The following TNFSF4 variants were observed in gnomAD, a reference collection of about 807,000 sequenced individuals.
TNFSF4 encodes TNF superfamily member 4.
Under a neutral mutation model 7.3 loss-of-function variants are expected in TNFSF4, and 4 were observed. The ratio of observed to expected loss-of-function variants is 0.55; its 90% CI spans 0.27 to 1.25. The LOEUF (loss-of-function observed/expected upper bound fraction) is 1.25, where lower values mean the gene tolerates loss of function less well. TNFSF4 is among the 50% of genes most tolerant of loss of function. The probability of loss-of-function intolerance (pLI) is 0.12; values close to 1 mark genes in which losing one functional copy is unlikely to be tolerated. For missense variants in TNFSF4, 181 were observed against 208.8 expected, an observed-to-expected ratio of 0.87 and a Z score of 0.82; for synonymous variants, 76 against 83.7, an observed-to-expected ratio of 0.91 and a Z score of 0.50.
At chr1:173,205,173 T>C in intron 1 of TNFSF4, 2 of 1,003,096 alleles carry the variant, frequency 2.0e-6, no homozygotes, top group Non-Finnish European at 1.4e-6. Context: ...TCAAATATCC[T>C]GAGCAAAAAA....
At chr1:173,318,959 T>C in the TNFSF4 span, among the ~76,000 whole-genome samples, 1 of 152,156 alleles carries the variant, frequency 6.6e-6, no homozygotes, top group African/African-American at 2.4e-5. Flanking sequence ...AGTTATTTTG[T>C]GCCCCAGTGA....
the TNFSF4 span, among the ~76,000 whole-genome samples, chr1:173,331,498 T>A: frequency 6.6e-6 from 1 of 152,218 alleles, no homozygotes; most frequent in East Asian, 1.9e-4. Context: ...CTAAACTACT[T>A]TCCTTTCAAA....
chr1:173,182,575 T>A (rs563285240), downstream of TNFSF4, among the ~76,000 whole-genome samples: 60 of 152,292 alleles, frequency 3.9e-4, no homozygotes, highest in South Asian at 1.2e-3. Context: ...CTCAAAGAAT[T>A]GTTGAGACAA....
the TNFSF4 span, among the ~76,000 whole-genome samples, chr1:173,419,636 G>A: frequency 6.6e-6 from 1 of 152,106 alleles, no homozygotes; most frequent in Non-Finnish European, 1.5e-5. Flanking sequence ...GGTGGAAGCT[G>A]GGGGAGAGGC....
At chr1:173,288,753 A>G in the TNFSF4 span, among the ~76,000 whole-genome samples, 1 of 152,116 alleles carries the variant, frequency 6.6e-6, no homozygotes, top group Non-Finnish European at 1.5e-5. Flanking sequence ...TCATGGGTTA[A>G]AATAAAATCA....
chr1:173,248,046 T>C, the TNFSF4 span, among the ~76,000 whole-genome samples: 1 of 152,072 alleles, frequency 6.6e-6, no homozygotes, highest in Non-Finnish European at 1.5e-5. Flanking sequence ...GTGTTCTAGA[T>C]AGATAGAACA....
the TNFSF4 span, among the ~76,000 whole-genome samples, chr1:173,254,856 G>A: frequency 6.6e-6 from 1 of 152,136 alleles, no homozygotes; most frequent in Non-Finnish European, 1.5e-5. Flanking sequence ...ATAGAAAATG[G>A]AATCATAAAT....
At chr1:173,178,510 C>G in the TNFSF4 span, among the ~76,000 whole-genome samples, 2 of 152,132 alleles carry the variant, frequency 1.3e-5, no homozygotes, top group African/African-American at 4.8e-5. Flanking sequence ...GGAAGCAGAG[C>G]TTTCAGGGAG....
downstream of TNFSF4, among the ~76,000 whole-genome samples, chr1:173,181,446 GCTC>G (rs1557874633): frequency 3.3e-5 from 5 of 152,118 alleles, no homozygotes; most frequent in South Asian, 1.0e-3. Flanking sequence ...CTGTGTTTCC[GCTC>G]CTAACATCCC....
the TNFSF4 span, among the ~76,000 whole-genome samples, chr1:173,433,597 G>C: frequency 2.4e-4 from 37 of 152,184 alleles, no homozygotes; most frequent in East Asian, 6.4e-3. Context: ...AGCTACTAGG[G>C]AGGCAGAGGT....
the TNFSF4 span, among the ~76,000 whole-genome samples, chr1:173,406,569 GATAAAT>G: frequency 1.3e-5 from 2 of 151,966 alleles, no homozygotes; most frequent in African/African-American, 4.8e-5. Context: ...TTGTCTTAAA[GATAAAT>G]ATAATTCAGG....
At chr1:173,220,824 G>T in the TNFSF4 span, among the ~76,000 whole-genome samples, 1 of 152,080 alleles carries the variant, frequency 6.6e-6, no homozygotes, top group East Asian at 1.9e-4. Context: ...CCAAACTATA[G>T]GATTCTGTTA....
chr1:173,324,201 C>G, the TNFSF4 span, among the ~76,000 whole-genome samples: 2 of 152,108 alleles, frequency 1.3e-5, no homozygotes, highest in Non-Finnish European at 2.9e-5. Flanking sequence ...GGCGGGGGGG[C>G]CAATATTCAA....
the TNFSF4 span, among the ~76,000 whole-genome samples, chr1:173,305,693 TAAA>T: frequency 6.9e-6 from 1 of 145,278 alleles, no homozygotes; most frequent in African/African-American, 2.5e-5. Flanking sequence ...GGTAATTTAT[TAAA>T]AAAAAAAAGG....
At chr1:173,300,735 T>C in the TNFSF4 span, among the ~76,000 whole-genome samples, 1 of 151,514 alleles carries the variant, frequency 6.6e-6, no homozygotes, top group Non-Finnish European at 1.5e-5. Flanking sequence ...CAATCCAAAC[T>C]ATTATAACTG....
the TNFSF4 span, among the ~76,000 whole-genome samples, chr1:173,232,002 A>T: frequency 6.6e-6 from 1 of 152,142 alleles, no homozygotes; most frequent in South Asian, 2.1e-4. Context: ...CAATTCTGTG[A>T]AGAAAGTCAT....
chr1:173,305,364 C>T, the TNFSF4 span, among the ~76,000 whole-genome samples: 2 of 151,858 alleles, frequency 1.3e-5, no homozygotes, highest in Non-Finnish European at 2.9e-5. Context: ...ATGTATTCAG[C>T]TCTTTCTGGG....
chr1:173,270,707 G>A, the TNFSF4 span, among the ~76,000 whole-genome samples: 1 of 152,062 alleles, frequency 6.6e-6, no homozygotes, highest in African/African-American at 2.4e-5. Context: ...AGCAACAAGG[G>A]AGCTAAGCCT....
chr1:173,449,345 CTTTCTT>C, the TNFSF4 span, among the ~76,000 whole-genome samples: 1 of 150,770 alleles, frequency 6.6e-6, no homozygotes. Flanking sequence ...TTTCTTCTTT[CTTTCTT>C]TTTTTTTTTT....
Sources: allele counts gnomAD v4.1 joint callset (sites outside exome capture counted in the v4.1 genomes callset), GRCh38; gene constraint gnomAD v4.1.1; transcripts MANE v1.5; gene names NCBI Gene and HGNC (gene_info 2026-07-23, HGNC 2026-07-21).